Variants in CNTLN observed in about 807,000 individuals in gnomAD.
CNTLN encodes centlein, centrosomal protein.
A neutral mutation model predicts 180.0 loss-of-function variants in CNTLN; 212 were observed. The observed-to-expected ratio is 1.18, with a 90% CI of 1.05 to 1.32. The LOEUF (loss-of-function observed/expected upper bound fraction) is 1.32, where lower values mean the gene tolerates loss of function less well. Ranked by LOEUF, CNTLN falls within the 40% of genes most tolerant of loss-of-function variation. CNTLN has a pLI of 0.00. For missense variants in CNTLN, 2,095 were observed against 1,610.9 expected, an observed-to-expected ratio of 1.30 and a Z score of -5.14; for synonymous variants, 722 against 563.1, an observed-to-expected ratio of 1.28 and a Z score of -3.99.
intron 25 of CNTLN, among the ~76,000 whole-genome samples, chr9:17,500,214 C>A (rs1020647445): frequency 2.0e-5 from 3 of 152,072 alleles, no homozygotes; most frequent in Non-Finnish European, 4.4e-5. Flanking sequence ...AACTCTGAGG[C>A]TTTGAGTTTT....
At chr9:17,291,288 T>G (rs541372325) in intron 6 of CNTLN, among the ~76,000 whole-genome samples, 245 of 152,264 alleles carry the variant, frequency 1.6e-3, no homozygotes, top group African/African-American at 5.5e-3. Context: ...TTCCATTGTT[T>G]TTGGGTGGAG....
intron 2 of CNTLN, among the ~76,000 whole-genome samples, chr9:17,174,628 G>A (rs550736768): frequency 3.3e-5 from 5 of 151,858 alleles, no homozygotes; most frequent in Admixed American, 2.0e-4. Flanking sequence ...CCCGGGAGGC[G>A]GAGGTTGCAG....
chr9:17,498,535 C>T (rs571033963), intron 25 of CNTLN, among the ~76,000 whole-genome samples: 2 of 152,250 alleles, frequency 1.3e-5, no homozygotes, highest in East Asian at 1.9e-4. Context: ...GAAGATCTGC[C>T]TTAAGACTAC....
intron 18 of CNTLN, among the ~76,000 whole-genome samples, chr9:17,445,901 G>C (rs996365311): frequency 6.7e-6 from 1 of 149,696 alleles, no homozygotes; most frequent in African/African-American, 2.6e-5. Context: ...TATAAAACCC[G>C]ATTGTATGCT....
At chr9:17,302,834 A>G (rs1008367769) in intron 7 of CNTLN, among the ~76,000 whole-genome samples, 8 of 152,226 alleles carry the variant, frequency 5.3e-5, no homozygotes, top group African/African-American at 1.9e-4. Context: ...TTCCAGTTAG[A>G]TCACAGTTAT....
the CNTLN span, among the ~76,000 whole-genome samples, chr9:17,517,817 G>A: frequency 6.6e-6 from 1 of 152,044 alleles, no homozygotes; most frequent in African/African-American, 2.4e-5. Flanking sequence ...GGTTATGGCA[G>A]CCCTGGGAAA....
At chr9:17,441,798 C>T (rs567933445) in intron 18 of CNTLN, among the ~76,000 whole-genome samples, 1 of 152,202 alleles carries the variant, frequency 6.6e-6, no homozygotes, top group South Asian at 2.1e-4. Context: ...TATCCTGTCT[C>T]TATGAGACTC....
At chr9:17,479,592 A>T (rs139346592) in intron 23 of CNTLN, among the ~76,000 whole-genome samples, 111 of 152,328 alleles carry the variant, frequency 7.3e-4, no homozygotes, top group African/African-American at 2.5e-3. Context: ...CAAGATGAAT[A>T]AGCTCTAGAG....
At chr9:17,522,285 G>A in the CNTLN span, among the ~76,000 whole-genome samples, 14 of 151,978 alleles carry the variant, frequency 9.2e-5, no homozygotes, top group South Asian at 2.1e-4. Context: ...GATGACTACC[G>A]ATTGTCGAGC....
the CNTLN span, among the ~76,000 whole-genome samples, chr9:17,511,320 G>C: frequency 6.6e-6 from 1 of 152,152 alleles, no homozygotes; most frequent in Non-Finnish European, 1.5e-5. Flanking sequence ...GAAAAAGCAG[G>C]TGTCATTATC....
chr9:17,295,549 T>C (rs1345682223), intron 6 of CNTLN, among the ~76,000 whole-genome samples: 1 of 152,028 alleles, frequency 6.6e-6, no homozygotes, highest in East Asian at 1.9e-4. Flanking sequence ...CTTGCATACC[T>C]CAGTTGCCGG....
chr9:17,175,547 C>T (rs567643581), intron 2 of CNTLN, among the ~76,000 whole-genome samples: 65 of 152,238 alleles, frequency 4.3e-4, no homozygotes, highest in Non-Finnish European at 6.5e-4. Context: ...ATTACTATAG[C>T]TATATAATGC....
intron 19 of CNTLN, 48 bp from the exon 20 acceptor site, chr9:17,462,868 G>C (rs1214125188): frequency 1.0e-6 from 1 of 994,246 alleles, no homozygotes; most frequent in Non-Finnish European, 1.4e-6. Context: ...TGCTGCCTTA[G>C]ACCAAGGTTG....
chr9:17,237,193 A>AT, intron 5 of CNTLN, among the ~76,000 whole-genome samples: 1 of 152,190 alleles, frequency 6.6e-6, no homozygotes, highest in African/African-American at 2.4e-5. Context: ...AGTATTTTTC[A>AT]AAATAATACT....
At chr9:17,399,107 T>C (rs1357319802) in intron 15 of CNTLN, among the ~76,000 whole-genome samples, 1 of 152,206 alleles carries the variant, frequency 6.6e-6, no homozygotes, top group Non-Finnish European at 1.5e-5. Context: ...TCCTTTCTTT[T>C]CCCTTATCAC....
At chr9:17,343,549 G>A (rs910227450) in intron 12 of CNTLN, among the ~76,000 whole-genome samples, 4 of 152,078 alleles carry the variant, frequency 2.6e-5, no homozygotes, top group Admixed American at 1.3e-4. Context: ...CACTTAAAGT[G>A]CAGTATACTC....
chr9:17,211,056 C>T (rs201413077), intron 2 of CNTLN, among the ~76,000 whole-genome samples: 2 of 151,950 alleles, frequency 1.3e-5, no homozygotes, highest in South Asian at 4.1e-4. Flanking sequence ...GCTCTTTAGT[C>T]TAATTAGATC....
chr9:17,180,587 C>T (rs188026718), intron 2 of CNTLN, among the ~76,000 whole-genome samples: 1 of 151,916 alleles, frequency 6.6e-6, no homozygotes, highest in African/African-American at 2.4e-5. Context: ...CTGAAGAAGA[C>T]AAGGAAAGTC....
intron 6 of CNTLN, among the ~76,000 whole-genome samples, chr9:17,294,381 ATTGGTGCG>A (rs1234789623): frequency 6.6e-6 from 1 of 151,262 alleles, no homozygotes; most frequent in Admixed American, 6.6e-5. Context: ...CAGGGTGCTG[ATTGGTGCG>A]TTTACAATCC....
Sources: allele counts gnomAD v4.1 joint callset (sites outside exome capture counted in the v4.1 genomes callset), GRCh38; gene constraint gnomAD v4.1.1; transcripts MANE v1.5; gene names NCBI Gene and HGNC (gene_info 2026-07-23, HGNC 2026-07-21).